PSPC1: variants seen among roughly 807,000 people sequenced by gnomAD.
The protein encoded by PSPC1 is paraspeckle protein 1.
Under a neutral mutation model 51.6 loss-of-function variants are expected in PSPC1, and 14 were observed. That is an observed-to-expected ratio of 0.27 (90% confidence interval 0.18 to 0.42). The LOEUF is 0.42. Ranked by LOEUF, PSPC1 falls within the 10% of genes least tolerant of loss-of-function variation. The pLI is 1.00. For missense variants in PSPC1, 406 were observed against 701.1 expected (o/e 0.58, Z 4.75); for synonymous variants, 193 against 231.9 (o/e 0.83, Z 1.53).
chr13:19,734,402 C>G (rs1884510111), intron 5 of PSPC1, among the ~76,000 whole-genome samples: 1 of 152,218 alleles, frequency 6.6e-6, no homozygotes, highest in African/African-American at 2.4e-5. Context: ...AAGACGCCTA[C>G]TGGATGAAAC....
chr13:19,715,624 A>G (rs1002084610), intron 6 of PSPC1, among the ~76,000 whole-genome samples: 1 of 152,230 alleles, frequency 6.6e-6, no homozygotes, highest in African/African-American at 2.4e-5. Context: ...AGCCAGGCAT[A>G]GTGGTTCATG....
At chr13:19,732,790 G>A (rs943561103) in intron 5 of PSPC1, among the ~76,000 whole-genome samples, 1 of 152,124 alleles carries the variant, frequency 6.6e-6, no homozygotes, top group Non-Finnish European at 1.5e-5. Context: ...TGCTGGACGC[G>A]GTGGCACGTG....
intron 3 of PSPC1, among the ~76,000 whole-genome samples, chr13:19,759,122 C>G (rs918426745): frequency 1.8e-4 from 28 of 151,888 alleles, no homozygotes; most frequent in African/African-American, 6.5e-4. Context: ...TGCACTCCAG[C>G]CTGGGCGACA....
In PSPC1 at chr13:19,695,442, A is replaced by T. The variant is rs185642496; in HGVS notation, c.1159-17619T>A. Among the ~76,000 whole-genome samples the T allele has an allele frequency of 9.6e-4, 146 of 152,324 alleles. 1 individual carries two copies. In the East Asian group the frequency reaches 0.019, roughly 20 times the overall value. ...ACTGCCCATCTTCCACTAATTTTTT[A>T]AAAAAATTTAATGGCTTCAGATAAA... On this transcript the variant is annotated intron_variant and NMD_transcript_variant, in intron 6 of 7. Coordinates refer to the PSPC1 transcript ENST00000471658.
intron 1 of PSPC1, among the ~76,000 whole-genome samples, chr13:19,781,410 A>T (rs1469362487): frequency 6.6e-6 from 1 of 152,038 alleles, no homozygotes; most frequent in African/African-American, 2.4e-5. Flanking sequence ...ATTTTTGCAT[A>T]AATTATTGGA....
chr13:19,778,787 C>T (rs61950580), intron 1 of PSPC1, among the ~76,000 whole-genome samples: 514 of 96,228 alleles, frequency 5.3e-3, no homozygotes, highest in Admixed American at 0.011. Flanking sequence ...TCTGCCCGGC[C>T]GCCACCCCGT....
At chr13:19,709,321 T>C (rs918621899) in intron 7 of PSPC1, among the ~76,000 whole-genome samples, 7 of 152,194 alleles carry the variant, frequency 4.6e-5, no homozygotes, top group Admixed American at 3.3e-4. Flanking sequence ...GTATAACACA[T>C]CTTTTAGCCT....
intron 4 of PSPC1, among the ~76,000 whole-genome samples, chr13:19,745,519 T>C (rs2138072790): frequency 6.6e-6 from 1 of 152,280 alleles, no homozygotes; most frequent in African/African-American, 2.4e-5. Context: ...ATGTATAACT[T>C]CTGATCTAAC....
chr13:19,677,339 CT>C (rs989846010), intron 7 of PSPC1, among the ~76,000 whole-genome samples: 4 of 151,838 alleles, frequency 2.6e-5, no homozygotes, highest in East Asian at 1.9e-4. Flanking sequence ...TTACAAAGAC[CT>C]TTTTTTTCTC....
At chr13:19,750,810 C>T (rs1593706743) in intron 4 of PSPC1, among the ~76,000 whole-genome samples, 1 of 151,304 alleles carries the variant, frequency 6.6e-6, no homozygotes, top group East Asian at 1.9e-4. Flanking sequence ...GCTCTTGTTG[C>T]CCAGGCTGGA....
At chr13:19,673,623 G>A (rs1448164127), downstream of PSPC1, among the ~76,000 whole-genome samples, 2 of 152,150 alleles carry the variant, frequency 1.3e-5, no homozygotes, top group African/African-American at 4.8e-5. Context: ...TGCAGGTCAG[G>A]AGCAGTAAAG....
In PSPC1 at chr13:19,736,561, T is replaced by C. The variant is rs143630359; in HGVS notation, c.1052+5004A>G. 2.4e-3 allele frequency among the ~76,000 whole-genome samples: 358 copies of C among 152,126 alleles called. 3 individuals are homozygous for C. Among genetic ancestry groups the C allele is most frequent in the African/African-American group, 7.7e-3 (319 of 41,510 alleles). ...AGCCAGGTGTGGTGACAGGCGCCTG[T>C]AATCCTAGCTACTCCGGAGGCTGAG... On this transcript the variant is annotated intron_variant, in intron 5 of 8. Coordinates refer to ENST00000338910, the MANE Select transcript of PSPC1 (RefSeq NM_001354909.2).
chr13:19,773,646 TG>T (rs1187244647), intron 1 of PSPC1, among the ~76,000 whole-genome samples: 2 of 151,942 alleles, frequency 1.3e-5, no homozygotes, highest in African/African-American at 4.8e-5. Context: ...TGTTAGTTCT[TG>T]GGTTTTTTTT....
At position 19,702,829 on chromosome 13, in the gene PSPC1, A is replaced by G. The variant is rs1880089287; in HGVS notation, c.*346T>C. The G allele has an allele frequency of 2.9e-5, 5 of 173,636 alleles. No individual in the cohort carries two copies. In the South Asian group the frequency reaches 7.3e-4, roughly 26 times the overall value. The allele number at this position is 173,636 out of a possible 1,614,324, so 10.8% of individuals were successfully genotyped here. A position where few individuals can be genotyped will look rare whatever the true frequency, so the allele number is the denominator to read the frequency against. ...AACCAAAGCATTACTGTTACAGCAAAGTTTAGTAAGACCGTAAGAGAATAC... is the reference window on the plus strand; with the variant it reads ...AACCAAAGCATTACTGTTACAGCAAGGTTTAGTAAGACCGTAAGAGAATAC... On this transcript the variant is annotated 3_prime_UTR_variant, in exon 9 of 9. Coordinates refer to ENST00000338910, the MANE Select transcript of PSPC1 (RefSeq NM_001354909.2).
intron 5 of PSPC1, among the ~76,000 whole-genome samples, chr13:19,732,192 T>C (rs1047146817): frequency 3.3e-5 from 5 of 152,202 alleles, no homozygotes; most frequent in African/African-American, 1.2e-4. Flanking sequence ...TATTTTAAGA[T>C]TGTTGTCTTA....
intron 6 of PSPC1, among the ~76,000 whole-genome samples, chr13:19,716,267 A>G (rs1463677652): frequency 6.6e-6 from 1 of 152,206 alleles, no homozygotes; most frequent in East Asian, 1.9e-4. Context: ...GTGTGTGTGT[A>G]TTACCAATAA....
At chr13:19,756,456 C>A (rs891987148) in intron 3 of PSPC1, among the ~76,000 whole-genome samples, 1 of 152,026 alleles carries the variant, frequency 6.6e-6, no homozygotes, top group Non-Finnish European at 1.5e-5. Flanking sequence ...TACGGCCACT[C>A]AGGGAGCGAG....
At chr13:19,671,351 C>CTA, downstream of PSPC1, 1 of 1,464,582 alleles carries the variant, frequency 6.8e-7, no homozygotes, top group Non-Finnish European at 9.5e-7. Context: ...ATTACTTTAT[C>CTA]AACATTAGAA....
At chr13:19,757,973 G>A (rs1478915433) in intron 3 of PSPC1, among the ~76,000 whole-genome samples, 2 of 151,966 alleles carry the variant, frequency 1.3e-5, no homozygotes, top group East Asian at 1.9e-4. Context: ...TGATGTGTTC[G>A]TTGCACAGCT....
Sources: allele counts gnomAD v4.1 joint callset (sites outside exome capture counted in the v4.1 genomes callset), GRCh38; gene constraint gnomAD v4.1.1; transcripts MANE v1.5; gene names NCBI Gene and HGNC (gene_info 2026-07-23, HGNC 2026-07-21).